Variants in MBD5 observed in about 807,000 individuals in gnomAD.
MBD5 encodes methyl-CpG binding domain protein 5, also known as methyl-CpG-binding domain protein 5.
Under a neutral mutation model 117.3 loss-of-function variants are expected in MBD5, and 13 were observed. That is an observed-to-expected ratio of 0.11 (90% CI 0.07 to 0.18). The LOEUF (loss-of-function observed/expected upper bound fraction) is 0.18. Ranked by LOEUF, MBD5 falls within the 10% of genes least tolerant of loss-of-function variation. The pLI is 1.00. For synonymous variants in MBD5, 727 were observed against 766.4 expected (o/e 0.95, Z 0.85); for missense variants, 1,879 against 2,093.8 (o/e 0.90, Z 2.00).
At chr2:148,206,726 C>A (rs1229440541) in intron 2 of MBD5, among the ~76,000 whole-genome samples, 1 of 152,028 alleles carries the variant, frequency 6.6e-6, no homozygotes, top group African/African-American at 2.4e-5. Flanking sequence ...AATGTCAAAA[C>A]ATAAAGATGA....
At position 148,512,852 on chromosome 2, in the gene MBD5, C is replaced by T. The variant is rs1682258959; in HGVS notation, c.5113-18C>T. The T allele has an allele frequency of 7.5e-6, 12 of 1,609,108 alleles. No individual in the cohort carries two copies. The highest frequency in any genetic ancestry group is 1.3e-5 in the African/African-American group (1 of 74,690). Reference sequence around the variant, plus strand: ...ATCCTCTGTTGTTGTTGTTTTTTTTCTACCTTTTTATTTCCAGGTACACCA... The same window carrying T: ...ATCCTCTGTTGTTGTTGTTTTTTTTTTACCTTTTTATTTCCAGGTACACCA... On this transcript the variant is annotated intron_variant, in intron 13 of 13. Coordinates refer to ENST00000642680, the MANE Select transcript of MBD5 (RefSeq NM_001378120.1).
intron 3 of MBD5, among the ~76,000 whole-genome samples, chr2:148,311,789 G>T (rs938242696): frequency 1.3e-5 from 2 of 152,166 alleles, no homozygotes; most frequent in Non-Finnish European, 2.9e-5. Context: ...GCTGATACCG[G>T]TTTTTCCTTT....
At chr2:148,185,876 T>C (rs1698644265) in intron 2 of MBD5, among the ~76,000 whole-genome samples, 1 of 152,230 alleles carries the variant, frequency 6.6e-6, no homozygotes, top group South Asian at 2.1e-4. Flanking sequence ...TTAGGTCACA[T>C]TTTCCTACCT....
At chr2:148,315,166 A>G (rs1702132034) in intron 3 of MBD5, among the ~76,000 whole-genome samples, 1 of 152,170 alleles carries the variant, frequency 6.6e-6, no homozygotes. Flanking sequence ...GTTCATCTCC[A>G]TATTCTAGAC....
chr2:148,452,917 T>C (rs1034099076), intron 4 of MBD5, among the ~76,000 whole-genome samples: 1 of 152,190 alleles, frequency 6.6e-6, no homozygotes, highest in Non-Finnish European at 1.5e-5. Context: ...AAAAACCTCT[T>C]TCATTTTAGA....
chr2:148,048,326 G>T (rs1332579833), intron 1 of MBD5, among the ~76,000 whole-genome samples: 1 of 152,048 alleles, frequency 6.6e-6, no homozygotes, highest in Non-Finnish European at 1.5e-5. Flanking sequence ...ATTTATTTAA[G>T]AAATTGTTTT....
At chr2:148,370,079 T>C (rs939190047) in intron 4 of MBD5, among the ~76,000 whole-genome samples, 6 of 152,174 alleles carry the variant, frequency 3.9e-5, no homozygotes, top group Non-Finnish European at 7.4e-5. Context: ...TATCATCACT[T>C]TATAAAGGTG....
rs1279657915 is a variant in MBD5 at position 148,469,617 on chromosome 2, G to T, written c.1674G>T (p.Leu558=). 6.2e-6 allele frequency: 10 copies of T among 1,613,942 alleles called. No homozygotes were observed. Among genetic ancestry groups the T allele is most frequent in the Non-Finnish European group, 8.5e-6 (10 of 1,179,900 alleles). Residue 558 remains leucine (L), a synonymous_variant, in exon 8 of 14, where the codon CTG becomes CTT. Transcript: ENST00000642680. ...SSSVKSQPGL[L]GMPLNQILNQ... The stretch of plus-strand genomic sequence containing the variant: ...CTGTAAAGAGTCAGCCTGGTTTGCT[G>T]GGAATGCCTTTAAATCAGATCTTGA...
chr2:148,299,130 C>A (rs1317210474), intron 3 of MBD5, among the ~76,000 whole-genome samples: 1 of 149,732 alleles, frequency 6.7e-6, no homozygotes, highest in Non-Finnish European at 1.5e-5. Flanking sequence ...GTTTAAAGAA[C>A]TTTCTTTTTT....
rs1268707771 is a variant in MBD5 at position 148,514,270 on chromosome 2, CTACAT to C, written c.*1334_*1338del. The stretch of plus-strand genomic sequence containing the variant: ...GTGAAACAAATGTAGAGAGAAAATA[CTACAT>C]TACAAGTATACAAACCTAAAACTGT... On this transcript the variant is annotated 3_prime_UTR_variant, in exon 14 of 14. Transcript: ENST00000642680. 3 of 152,182 alleles carry C rather than the reference CTACAT, an allele frequency of 2.0e-5. No individual in the cohort carries two copies. The highest frequency in any genetic ancestry group is 7.2e-5 in the African/African-American group (3 of 41,538). The allele number at this position is 152,182 out of a possible 1,614,324, so 9.4% of individuals were successfully genotyped here.
At chr2:148,260,167 G>A (rs550821451) in intron 3 of MBD5, among the ~76,000 whole-genome samples, 1 of 152,322 alleles carries the variant, frequency 6.6e-6, no homozygotes, top group South Asian at 2.1e-4. Flanking sequence ...AGCCACAGTA[G>A]AACTACTTTC....
intron 4 of MBD5, chr2:148,346,904 AAGTC>A (rs1703137255): frequency 6.6e-6 from 1 of 151,898 alleles, no homozygotes; most frequent in Non-Finnish European, 1.5e-5. Flanking sequence ...CTATTATAGA[AAGTC>A]AGAAACAGAG....
intron 4 of MBD5, among the ~76,000 whole-genome samples, chr2:148,371,346 T>TC (rs1271115584): frequency 6.6e-6 from 1 of 152,058 alleles, no homozygotes. Flanking sequence ...CCTACTTTTT[T>TC]CCCCCTCAAT....
chr2:148,267,952 C>CTTTTTTTTT (rs764230358), intron 3 of MBD5, among the ~76,000 whole-genome samples: 15 of 127,268 alleles, frequency 1.2e-4, no homozygotes, highest in Middle Eastern at 3.8e-3. Flanking sequence ...TCTTTTTTTT[C>CTTTTTTTTT]TTTTTTTTTT....
chr2:148,118,408 G>A (rs1002566321), intron 1 of MBD5, among the ~76,000 whole-genome samples: 3 of 151,202 alleles, frequency 2.0e-5, no homozygotes, highest in African/African-American at 7.3e-5. Context: ...CCAGGAGTTT[G>A]AGACCAGCCT....
At chr2:148,082,209 C>T (rs1316886331) in intron 1 of MBD5, among the ~76,000 whole-genome samples, 1 of 152,190 alleles carries the variant, frequency 6.6e-6, no homozygotes, top group Non-Finnish European at 1.5e-5. Context: ...TGAAACTGCT[C>T]TCTACAAGAC....
chr2:148,220,700 A>G (rs1044639689), intron 2 of MBD5, among the ~76,000 whole-genome samples: 2 of 152,172 alleles, frequency 1.3e-5, no homozygotes, highest in Admixed American at 6.6e-5. Flanking sequence ...CAATCACATC[A>G]TGTAAAATGG....
Position 148,489,779 on chromosome 2 carries a change from G to A in MBD5, c.4147G>A (p.Gly1383Arg). The A allele has an allele frequency of 6.2e-7, 1 of 1,614,120 alleles. No homozygotes were observed. The highest frequency in any genetic ancestry group is 8.5e-7 in the Non-Finnish European group (1 of 1,180,014). Residue 1383 changes from glycine to arginine, a missense_variant, in exon 11 of 14, where the codon GGA becomes AGA. Physicochemically the swap from Gly to Arg is moderately radical, Grantham distance 125 (BLOSUM62 -2). Coordinates refer to ENST00000642680, the MANE Select transcript of MBD5 (RefSeq NM_001378120.1). ...TGCGGTCATTCATGGACGGAACATG[G>A]GAGGTGTTGATCATGATGGTAGGCT... The part of the protein sequence containing the change: ...VSAVIHGRNM[G>R]GVDHDGRLRN...
At chr2:148,319,918 AGT>A (rs1702243983) in intron 3 of MBD5, among the ~76,000 whole-genome samples, 1 of 152,054 alleles carries the variant, frequency 6.6e-6, no homozygotes, top group African/African-American at 2.4e-5. Context: ...GTTATTTGGA[AGT>A]GTGTTTCTTC....
Sources: allele counts gnomAD v4.1 joint callset (sites outside exome capture counted in the v4.1 genomes callset), GRCh38; gene constraint gnomAD v4.1.1; transcripts MANE v1.5; gene names NCBI Gene and HGNC (gene_info 2026-07-23, HGNC 2026-07-21).